Variants in EFCAB8 observed in about 807,000 individuals in gnomAD.
EFCAB8 encodes EF-hand calcium binding domain 8.
A neutral mutation model predicts 116.3 loss-of-function variants in EFCAB8; 100 were observed. That is an observed-to-expected ratio of 0.86 (90% CI 0.73 to 1.02). The LOEUF (loss-of-function observed/expected upper bound fraction) is 1.02. Among genes scored for constraint, EFCAB8 ranks in the 50% least tolerant of loss-of-function variants. The pLI, the probability that EFCAB8 is intolerant of heterozygous loss-of-function variation, is 0.00. For synonymous variants in EFCAB8, 558 were observed against 567.9 expected (o/e 0.98, Z 0.25); for missense variants, 1,320 against 1,416.9 (o/e 0.93, Z 1.10).
chr20:32,910,416 C>T (rs1251972916), intron 15 of EFCAB8, among the ~76,000 whole-genome samples: 1 of 152,112 alleles, frequency 6.6e-6, no homozygotes, highest in Non-Finnish European at 1.5e-5. Flanking sequence ...GGCAGCTGGG[C>T]ATGAGGAGTT....
chr20:32,961,427 C>A lies in EFCAB8; in HGVS notation c.3685C>A (p.Leu1229Met). 6.9e-7 allele frequency: 1 copy of A among 1,457,514 alleles called. No individual in the cohort carries two copies. Among genetic ancestry groups the A allele is most frequent in the Non-Finnish European group, 9.1e-7 (1 of 1,103,134 alleles). The allele number at this position is 1,457,514 out of a possible 1,614,324, so 90.3% of individuals were successfully genotyped here. A position where few individuals can be genotyped will look rare whatever the true frequency, so the allele number is the denominator to read the frequency against. The change falls in exon 27 of 27, where the codon CTG (leucine) becomes ATG (methionine). Residue 1229 changes from leucine to methionine, a missense_variant. By Grantham distance (15) the Leu-to-Met change is conservative. Coordinates refer to ENST00000400522, the MANE Select transcript of EFCAB8 (RefSeq NM_001143967.2). ...TFLTPQFSFL[L>M]RPQSASTAHS... is the part of the protein sequence containing the mutation. ...CCTGACGCCCCAGTTCTCCTTCTTG[C>A]TGCGGCCCCAGTCAGCCTCCACAGC...
chr20:32,890,393 C>T (rs1438180002), intron 7 of EFCAB8, among the ~76,000 whole-genome samples: 2 of 152,248 alleles, frequency 1.3e-5, no homozygotes, highest in African/African-American at 4.8e-5. Flanking sequence ...GTTAAAAAGA[C>T]CCCATGAGAT....
chr20:32,932,046 C>T (rs768231373), intron 22 of EFCAB8, among the ~76,000 whole-genome samples: 7 of 152,182 alleles, frequency 4.6e-5, no homozygotes, highest in South Asian at 2.1e-4. Context: ...GCTTCATTAA[C>T]GGGCCTGATC....
intron 22 of EFCAB8, among the ~76,000 whole-genome samples, chr20:32,935,054 G>T (rs532875134): frequency 1.3e-4 from 20 of 151,926 alleles, no homozygotes; most frequent in Admixed American, 3.3e-4. Flanking sequence ...GGTTTAATTT[G>T]TTTTTCCTAA....
At chr20:32,922,046 C>T (rs1658812251) in intron 20 of EFCAB8, among the ~76,000 whole-genome samples, 1 of 152,058 alleles carries the variant, frequency 6.6e-6, no homozygotes, top group Non-Finnish European at 1.5e-5. Context: ...CCAGGCTGGT[C>T]TTGAACTCCT....
chr20:32,947,903 TAAAAAAAA>T (rs377234035), intron 23 of EFCAB8, among the ~76,000 whole-genome samples: 7 of 100,836 alleles, frequency 6.9e-5, no homozygotes, highest in Non-Finnish European at 1.5e-4. Context: ...CCATCTCAAT[TAAAAAAAA>T]AAAAAAAGAA....
chr20:32,885,448 G>A (rs1428074179), intron 5 of EFCAB8, 57 bp from the exon 6 acceptor site: 7 of 1,543,852 alleles, frequency 4.5e-6, no homozygotes, highest in African/African-American at 1.4e-5. Flanking sequence ...TGCCGCAGGT[G>A]CCCCCTCCCT....
chr20:32,936,885 G>A (rs561744033), intron 22 of EFCAB8, among the ~76,000 whole-genome samples: 28 of 152,012 alleles, frequency 1.8e-4, no homozygotes, highest in Non-Finnish European at 3.4e-4. Context: ...TGAATCTGTA[G>A]ATTGCTTTGG....
Position 32,939,117 on chromosome 20 carries a change from CTT to C in EFCAB8, c.2791-4517_2791-4516del, listed in dbSNP as rs1403460911. Among the ~76,000 whole-genome samples the C allele has an allele frequency of 1.2e-4, 15 of 126,876 alleles. 1 individual carries two copies. The highest frequency in any genetic ancestry group is 4.3e-4 in the African/African-American group (14 of 32,580). The allele number at this position is 126,876 out of a possible 152,430, so 83.2% of individuals were successfully genotyped here. ...TTTTCCTTCCTTCCTTTCTTTCTCT[CTT>C]TCTTTCTCTTTCTTTCTTTCTTTCT... On this transcript the variant is annotated intron_variant, in intron 22 of 26. Transcript: ENST00000400522.
At chr20:32,917,537 C>A (rs1293805227) in intron 18 of EFCAB8, 32 bp downstream of exon 18, 2 of 1,544,458 alleles carry the variant, frequency 1.3e-6, no homozygotes, top group South Asian at 2.4e-5. Flanking sequence ...CTCCTCCCAC[C>A]CTTCTCTCAG....
In EFCAB8 at chr20:32,907,477, C is replaced by T. The variant is rs974345970; in HGVS notation, c.1308+483C>T. Among the ~76,000 whole-genome samples the T allele has an allele frequency of 2.0e-5, 3 of 152,332 alleles. No homozygotes were observed. The East Asian group carries it at 5.8e-4, about 29-fold the overall frequency. ...TGCCAGGGCTCCCACTTGGGACCCG[C>T]CACTGTGCTCCTCTGCAGCTGTAGG... is the stretch of plus-strand genomic sequence containing the variant. On this transcript the variant is annotated intron_variant, in intron 13 of 26. Transcript: ENST00000400522.
At chr20:32,940,510 A>C (rs939452873) in intron 22 of EFCAB8, among the ~76,000 whole-genome samples, 4 of 149,794 alleles carry the variant, frequency 2.7e-5, no homozygotes, top group Non-Finnish European at 4.4e-5. Flanking sequence ...AATACTTGTG[A>C]CCTTAGACAG....
chr20:32,863,550 C>A (rs1278334728), intron 1 of EFCAB8, among the ~76,000 whole-genome samples: 1 of 152,190 alleles, frequency 6.6e-6, no homozygotes, highest in Non-Finnish European at 1.5e-5. Context: ...CAACTCCTCT[C>A]TATCAGGGGA....
intron 6 of EFCAB8, among the ~76,000 whole-genome samples, chr20:32,887,859 C>A (rs888710553): frequency 6.6e-6 from 1 of 152,230 alleles, no homozygotes; most frequent in East Asian, 1.9e-4. Flanking sequence ...TCATTCCTCG[C>A]AACTTTGCAG....
intron 1 of EFCAB8, among the ~76,000 whole-genome samples, chr20:32,860,679 T>C (rs756326135): frequency 6.6e-6 from 1 of 151,976 alleles, no homozygotes; most frequent in Non-Finnish European, 1.5e-5. Context: ...GGCTATTTTT[T>C]CATTCTTTTA....
At chr20:32,891,305 T>C (rs897101578) in intron 7 of EFCAB8, among the ~76,000 whole-genome samples, 2 of 152,194 alleles carry the variant, frequency 1.3e-5, no homozygotes, top group Non-Finnish European at 2.9e-5. Flanking sequence ...GATGATGGGC[T>C]GGACCTGGTC....
intron 11 of EFCAB8, among the ~76,000 whole-genome samples, chr20:32,899,689 C>T (rs1986339101): frequency 6.6e-6 from 1 of 152,050 alleles, no homozygotes; most frequent in Non-Finnish European, 1.5e-5. Flanking sequence ...ATTCTCCTGC[C>T]TCAGCCTCCC....
In EFCAB8 at chr20:32,959,805, G is replaced by A; in HGVS notation, c.3117G>A (p.Leu1039=). The A allele has an allele frequency of 1.3e-6, 2 of 1,520,994 alleles. No individual in the cohort carries two copies. Among genetic ancestry groups the A allele is most frequent in the Non-Finnish European group, 1.8e-6 (2 of 1,130,028 alleles). 94.2% of individuals were successfully genotyped at this position (1,520,994 alleles called of 1,614,324 possible). Residue 1039 remains leucine (L), a synonymous_variant, in exon 25 of 27, where the codon CTG becomes CTA. Coordinates refer to ENST00000400522, the MANE Select transcript of EFCAB8 (RefSeq NM_001143967.2). ...LQEQRDLAEA[L]IYQRREQAAL... ...AGCAGCGGGATCTGGCTGAGGCCCT[G>A]ATATACCAGCGGCGAGAGCAGGCGG...
intron 11 of EFCAB8, among the ~76,000 whole-genome samples, chr20:32,902,263 G>C (rs1289647291): frequency 1.3e-5 from 2 of 152,146 alleles, no homozygotes; most frequent in Non-Finnish European, 2.9e-5. Context: ...CACCAGTGAG[G>C]AGGCCATTGC....
Sources: allele counts gnomAD v4.1 joint callset (sites outside exome capture counted in the v4.1 genomes callset), GRCh38; gene constraint gnomAD v4.1.1; transcripts MANE v1.5; gene names NCBI Gene and HGNC (gene_info 2026-07-23, HGNC 2026-07-21).